The following PHF20 variants were observed in gnomAD, a reference collection of about 807,000 sequenced individuals.
The protein encoded by PHF20 is glioma-expressed antigen 2.
Under a neutral mutation model 113.5 loss-of-function variants are expected in PHF20, and 23 were observed. That is an observed-to-expected ratio of 0.20 (90% confidence interval 0.15 to 0.29). PHF20 has a LOEUF of 0.29. PHF20 is among the 10% of genes least tolerant of loss of function. The probability of loss-of-function intolerance (pLI) is 1.00; values close to 1 mark genes in which losing one functional copy is unlikely to be tolerated. For synonymous variants in PHF20, 434 were observed against 457.3 expected (o/e 0.95, Z 0.65); for missense variants, 943 against 1,219.6 (o/e 0.77, Z 3.38).
At chr20:35,875,814 C>T (rs1411364604) in intron 9 of PHF20, among the ~76,000 whole-genome samples, 2 of 152,146 alleles carry the variant, frequency 1.3e-5, no homozygotes, top group Non-Finnish European at 2.9e-5. Flanking sequence ...CTAGGAAACA[C>T]GCCATGCATA....
At chr20:35,808,511 C>T (rs538072737) in intron 2 of PHF20, among the ~76,000 whole-genome samples, 2 of 151,172 alleles carry the variant, frequency 1.3e-5, no homozygotes, top group African/African-American at 2.4e-5. Context: ...GAATTTAATG[C>T]TTTTGGGCAT....
intron 2 of PHF20, among the ~76,000 whole-genome samples, chr20:35,803,048 T>G (rs1344562163): frequency 6.6e-6 from 1 of 150,514 alleles, no homozygotes; most frequent in Non-Finnish European, 1.5e-5. Context: ...GGTCAGGAGT[T>G]CAAGACCAGT....
intron 15 of PHF20, 71 bp from the exon 16 acceptor site, chr20:35,938,626 T>G: frequency 2.8e-6 from 4 of 1,439,816 alleles, no homozygotes; most frequent in South Asian, 1.4e-5. Flanking sequence ...TGGGAGAGTA[T>G]TTAGGAATTG....
At position 35,871,770 on chromosome 20, in the gene PHF20, C is replaced by T. The variant is rs770122276; in HGVS notation, c.1223C>T (p.Thr408Met). 8 of 1,613,042 alleles carry T rather than the reference C, an allele frequency of 5.0e-6. No homozygotes were observed. The highest frequency in any genetic ancestry group is 3.3e-5 in the Admixed American group (2 of 59,936). Residue 408 changes from threonine to methionine, a missense_variant, in exon 9 of 18, where the codon ACG (threonine) becomes ATG (methionine). By Grantham distance (81) the Thr-to-Met change is moderately conservative. Coordinates refer to ENST00000374012, the MANE Select transcript of PHF20 (RefSeq NM_016436.5). ...ELNCPSMGEN[T>M]MKTEPTSPLV... is the part of the protein sequence containing the mutation. ...AACTGCCCATCAATGGGAGAAAACA[C>T]GATGAAAACAGAACCGACTTCTCCC... is the stretch of plus-strand genomic sequence containing the variant.
intron 11 of PHF20, among the ~76,000 whole-genome samples, chr20:35,913,569 C>T (rs2055347688): frequency 6.6e-6 from 1 of 152,240 alleles, no homozygotes; most frequent in East Asian, 1.9e-4. Flanking sequence ...TTCTCACTTG[C>T]TGCCTTGGCC....
chr20:35,901,831 A>G (rs1484902828), intron 10 of PHF20, among the ~76,000 whole-genome samples: 1 of 152,214 alleles, frequency 6.6e-6, no homozygotes, highest in African/African-American at 2.4e-5. Flanking sequence ...AGCTGGGCAC[A>G]TGGGTTGTGA....
intron 9 of PHF20, among the ~76,000 whole-genome samples, chr20:35,889,655 G>A (rs1403463923): frequency 6.6e-6 from 1 of 151,286 alleles, no homozygotes; most frequent in Admixed American, 6.6e-5. Flanking sequence ...GAGCCACTGT[G>A]CTTGGCCATA....
At chr20:35,887,138 CT>C (rs1344576488) in intron 9 of PHF20, among the ~76,000 whole-genome samples, 1 of 152,074 alleles carries the variant, frequency 6.6e-6, no homozygotes, top group Non-Finnish European at 1.5e-5. Context: ...AATTTACAAA[CT>C]TTTTTTAAAG....
chr20:35,800,440 A>G (rs1229172813), intron 1 of PHF20, among the ~76,000 whole-genome samples: 3 of 152,056 alleles, frequency 2.0e-5, no homozygotes, highest in Non-Finnish European at 2.9e-5. Flanking sequence ...AAACCAACAA[A>G]CAAAAAAAGA....
At position 35,949,008 on chromosome 20, in the gene PHF20, C is replaced by T. The variant is rs889750404; in HGVS notation, c.*1381C>T. ...TTTAGCGACCTTTGGAATAGTTAAGCACAGGTCATTGTGGACATGAATTCA... is the reference window on the plus strand; with the variant it reads ...TTTAGCGACCTTTGGAATAGTTAAGTACAGGTCATTGTGGACATGAATTCA... On this transcript the variant is annotated 3_prime_UTR_variant, in exon 18 of 18. Coordinates refer to ENST00000374012, the MANE Select transcript of PHF20 (RefSeq NM_016436.5). 1.3e-5 allele frequency: 2 copies of T among 152,596 alleles called. No homozygotes were observed. The highest frequency in any genetic ancestry group is 4.8e-5 in the African/African-American group (2 of 41,442). The allele number at this position is 152,596 out of a possible 1,614,324, so 9.5% of individuals were successfully genotyped here.
At chr20:35,817,537 G>T (rs1195400442) in intron 2 of PHF20, among the ~76,000 whole-genome samples, 1 of 152,028 alleles carries the variant, frequency 6.6e-6, no homozygotes, top group East Asian at 1.9e-4. Context: ...TCCCACACCT[G>T]CAATCCCAGC....
At chr20:35,897,375 C>T (rs1024894194) in intron 9 of PHF20, among the ~76,000 whole-genome samples, 4 of 151,806 alleles carry the variant, frequency 2.6e-5, no homozygotes, top group Admixed American at 6.6e-5. Context: ...TACATGTATA[C>T]GATGTATAAT....
rs922075950 is a variant in PHF20, at chr20:35,801,868, G to A, written c.83+263G>A. ...GGAAAAAGAAGCAGGAATGGCTACA[G>A]GGAAGGGAAGAGTTAATAGTGGCAG... is the stretch of plus-strand genomic sequence containing the variant. On this transcript the variant is annotated intron_variant, in intron 2 of 17. Transcript: ENST00000374012. 1.7e-5 allele frequency: 5 copies of A among 300,442 alleles called. No homozygotes were observed. In the East Asian group the frequency reaches 3.3e-4, roughly 20 times the overall value. 18.6% of individuals were successfully genotyped at this position (300,442 alleles called of 1,614,324 possible). A position where few individuals can be genotyped will look rare whatever the true frequency, so the allele number is the denominator to read the frequency against.
At chr20:35,830,834 C>G (rs1205101477) in intron 2 of PHF20, among the ~76,000 whole-genome samples, 1 of 151,904 alleles carries the variant, frequency 6.6e-6, no homozygotes, top group Non-Finnish European at 1.5e-5. Flanking sequence ...ATCCCATCAC[C>G]TAGCTATTAA....
At chr20:35,918,567 G>A (rs1349136894) in intron 13 of PHF20, among the ~76,000 whole-genome samples, 7 of 152,066 alleles carry the variant, frequency 4.6e-5, no homozygotes, top group Admixed American at 2.6e-4. Context: ...CTTTGGCCTC[G>A]CCCCAATTTT....
chr20:35,912,695 GGTGGC>G (rs1480698542), intron 10 of PHF20, among the ~76,000 whole-genome samples: 1 of 152,162 alleles, frequency 6.6e-6, no homozygotes, highest in Non-Finnish European at 1.5e-5. Flanking sequence ...AGCCAGGTGT[GGTGGC>G]GTGTGTCTGT....
intron 5 of PHF20, 117 bp from the exon 6 acceptor site, chr20:35,862,896 A>C: frequency 2.1e-6 from 2 of 968,056 alleles, no homozygotes; most frequent in South Asian, 3.4e-5. Context: ...TGTATATGTG[A>C]TCTGGCGTAT....
At position 35,947,703 on chromosome 20, in the gene PHF20, A is replaced by C. The variant is rs1190101236; in HGVS notation, c.*76A>C. ...GGAGCTTCGCATATTTAAATAAATA[A>C]ACCTAGCATGCTGAATGCACGTGAC... On this transcript the variant is annotated 3_prime_UTR_variant, in exon 18 of 18. Coordinates refer to ENST00000374012, the MANE Select transcript of PHF20 (RefSeq NM_016436.5). The C allele has an allele frequency of 4.1e-6, 6 of 1,459,180 alleles. No individual in the cohort carries two copies. The highest frequency in any genetic ancestry group is 5.7e-6 in the Non-Finnish European group (6 of 1,055,940). The allele number at this position is 1,459,180 out of a possible 1,614,324, so 90.4% of individuals were successfully genotyped here.
At chr20:35,876,443 C>T (rs563888375) in intron 9 of PHF20, among the ~76,000 whole-genome samples, 13 of 150,996 alleles carry the variant, frequency 8.6e-5, no homozygotes, top group South Asian at 4.2e-4. Flanking sequence ...TGGTGGCAGG[C>T]GCCTGTAATC....
Sources: allele counts gnomAD v4.1 joint callset (sites outside exome capture counted in the v4.1 genomes callset), GRCh38; gene constraint gnomAD v4.1.1; transcripts MANE v1.5; gene names NCBI Gene and HGNC (gene_info 2026-07-23, HGNC 2026-07-21).